The following TTLL5 variants were observed in gnomAD, a reference collection of about 807,000 sequenced individuals.
TTLL5 encodes the protein tubulin polyglutamylase TTLL5.
A neutral mutation model predicts 168.4 loss-of-function variants in TTLL5; 132 were observed. The observed-to-expected ratio is 0.78, with a 90% CI of 0.68 to 0.91. The LOEUF (loss-of-function observed/expected upper bound fraction) is 0.91. TTLL5 is among the 40% of genes least tolerant of loss of function. The pLI, the probability that TTLL5 is intolerant of heterozygous loss-of-function variation, is 0.00. For missense variants in TTLL5, 1,545 were observed against 1,581.5 expected (o/e 0.98, Z 0.39); for synonymous variants, 546 against 558.6 (o/e 0.98, Z 0.32).
chr14:75,805,472 C>G (rs1464850858), intron 27 of TTLL5, among the ~76,000 whole-genome samples: 1 of 152,160 alleles, frequency 6.6e-6, no homozygotes, highest in Non-Finnish European at 1.5e-5. Context: ...AGGCTGTAAT[C>G]CTCAGAACTT....
At chr14:75,845,118 A>G (rs563728649) in intron 28 of TTLL5, among the ~76,000 whole-genome samples, 2 of 152,306 alleles carry the variant, frequency 1.3e-5, no homozygotes, top group South Asian at 2.1e-4. Context: ...ATTTTTCTCC[A>G]TAGCCAGTTG....
intron 21 of TTLL5, among the ~76,000 whole-genome samples, chr14:75,773,943 G>T (rs1459371720): frequency 2.5e-5 from 1 of 39,718 alleles, no homozygotes; most frequent in Non-Finnish European, 5.8e-5. Context: ...GAGAGAGAGA[G>T]AGAGAGAGAG....
chr14:75,783,748 G>A (rs1892199227), intron 26 of TTLL5, among the ~76,000 whole-genome samples: 4 of 152,182 alleles, frequency 2.6e-5, no homozygotes. Flanking sequence ...AGGTACTGGA[G>A]ATAAAGAGAT....
chr14:75,795,513 G>T (rs1188012896), intron 27 of TTLL5, among the ~76,000 whole-genome samples: 1 of 152,126 alleles, frequency 6.6e-6, no homozygotes, highest in East Asian at 1.9e-4. Flanking sequence ...CAAGATTTTG[G>T]TGCACCTATC....
intron 15 of TTLL5, among the ~76,000 whole-genome samples, chr14:75,743,541 G>T (rs1200827462): frequency 2.0e-5 from 3 of 150,120 alleles, no homozygotes; most frequent in African/African-American, 7.3e-5. Context: ...GGGTCTGGGG[G>T]AGAGAGAGTG....
chr14:75,811,367 G>A (rs149559095), intron 27 of TTLL5, among the ~76,000 whole-genome samples: 4 of 151,706 alleles, frequency 2.6e-5, no homozygotes, highest in East Asian at 1.9e-4. Context: ...CTTCTATGAC[G>A]CGAAGCTTTT....
intron 27 of TTLL5, among the ~76,000 whole-genome samples, chr14:75,808,846 G>T (rs1021759363): frequency 5.9e-5 from 9 of 151,596 alleles, no homozygotes; most frequent in Admixed American, 2.0e-4. Context: ...GACTGATCTC[G>T]AACTCCTGGG....
chr14:75,941,167 G>T (rs1161218368), intron 31 of TTLL5, among the ~76,000 whole-genome samples: 1 of 152,234 alleles, frequency 6.6e-6, no homozygotes, highest in Non-Finnish European at 1.5e-5. Context: ...TGGCTGCATT[G>T]CAGAGTTCCT....
At chr14:75,801,381 A>G (rs1893314987) in intron 27 of TTLL5, among the ~76,000 whole-genome samples, 1 of 152,202 alleles carries the variant, frequency 6.6e-6, no homozygotes, top group Non-Finnish European at 1.5e-5. Context: ...TGCATAAGAT[A>G]TTTTGATACA....
At chr14:75,819,914 C>G in intron 27 of TTLL5, 93 bp from the exon 28 acceptor site, 1 of 1,387,874 alleles carries the variant, frequency 7.2e-7, no homozygotes, top group Non-Finnish European at 9.7e-7. Context: ...GGGTCAGCAT[C>G]TGTTGGCCTT....
Position 75,732,348 on chromosome 14 carries a change from C to T in TTLL5, c.1053C>T (p.Gly351=). The T allele has an allele frequency of 1.9e-6, 3 of 1,613,560 alleles. No homozygotes were observed. Among genetic ancestry groups the T allele is most frequent in the African/African-American group, 1.3e-5 (1 of 74,984 alleles). The change falls in exon 13 of 32, where the codon GGC becomes GGT. Residue 351 remains glycine, a synonymous_variant. Coordinates refer to ENST00000298832, the MANE Select transcript of TTLL5 (RefSeq NM_015072.5). The part of the protein sequence containing the change: ...PHRSSCFELY[G]FDVLIDSTLK... Reference sequence around the variant, plus strand: ...GTGTTGTATTTCTAGAACTCTATGGCTTTGACGTGCTCATAGATTCTACTC... The same window carrying T: ...GTGTTGTATTTCTAGAACTCTATGGTTTTGACGTGCTCATAGATTCTACTC...
At chr14:75,735,442 T>G (rs550241360) in intron 15 of TTLL5, among the ~76,000 whole-genome samples, 153 bp downstream of exon 15, 5 of 152,248 alleles carry the variant, frequency 3.3e-5, no homozygotes, top group Non-Finnish European at 7.3e-5. Flanking sequence ...TATTCAGCTG[T>G]GGCTAATAGC....
intron 11 of TTLL5, 58 bp from the exon 12 acceptor site, chr14:75,720,538 A>T (rs1452425596): frequency 8.1e-7 from 1 of 1,238,982 alleles, no homozygotes; most frequent in Non-Finnish European, 1.2e-6. Context: ...TCTGGAATCC[A>T]GTTCATAATC....
At chr14:75,769,910 G>T (rs1489793443) in intron 20 of TTLL5, among the ~76,000 whole-genome samples, 2 of 152,100 alleles carry the variant, frequency 1.3e-5, no homozygotes, top group Non-Finnish European at 2.9e-5. Context: ...CAGGCGTGCA[G>T]GCTCATGCCT....
At chr14:75,881,667 G>T (rs542303554) in intron 29 of TTLL5, among the ~76,000 whole-genome samples, 14 of 152,008 alleles carry the variant, frequency 9.2e-5, no homozygotes, top group Non-Finnish European at 2.1e-4. Flanking sequence ...CATGTTGTAG[G>T]TACAAATGGA....
rs977735904 is a variant in TTLL5, at chr14:75,902,540, G to A, written c.3823+316G>A. 13 of 518,350 alleles carry A rather than the reference G, an allele frequency of 2.5e-5. 1 individual carries two copies. In the Admixed American group the frequency reaches 2.9e-4, roughly 12 times the overall value. The allele number at this position is 518,350 out of a possible 1,614,324, so 32.1% of individuals were successfully genotyped here. The stretch of plus-strand genomic sequence containing the variant: ...CACTGTCTATGTTGTATTTCCGCAT[G>A]TTGTATCTCTCACTTAATTCTCACA... On this transcript the variant is annotated intron_variant, in intron 31 of 31. Transcript: ENST00000298832.
chr14:75,783,368 A>G lies in TTLL5; in HGVS notation c.2824A>G (p.Ser942Gly). 2 of 1,614,198 alleles carry G rather than the reference A, an allele frequency of 1.2e-6. No homozygotes were observed. Among genetic ancestry groups the G allele is most frequent in the Non-Finnish European group, 1.7e-6 (2 of 1,180,040 alleles). ...AATTTTACTGAACACAGTCTCTGCCAGTGCTTCTCCCTGCCTACATCCCGG... is the reference window on the plus strand; with the variant it reads ...AATTTTACTGAACACAGTCTCTGCCGGTGCTTCTCCCTGCCTACATCCCGG... ...PTILLNTVSA[S>G]ASPCLHPGAQ... Residue 942 changes from serine (S) to glycine (G), a missense_variant, in exon 26 of 32, where the codon AGT becomes GGT. By Grantham distance (56) the Ser-to-Gly change is moderately conservative. Coordinates refer to ENST00000298832, the MANE Select transcript of TTLL5 (RefSeq NM_015072.5).
In TTLL5 at chr14:75,764,597, A is replaced by T; in HGVS notation, c.1551-18A>T. ...GAACTTTCTGAAGGCCATAGCTACC[A>T]TGTTGCTTTTCCCCTAGAATGACTG... On this transcript the variant is annotated intron_variant, in intron 18 of 31. Transcript: ENST00000298832. 1.2e-6 allele frequency: 2 copies of T among 1,613,542 alleles called. No individual in the cohort carries two copies. Among genetic ancestry groups the T allele is most frequent in the Non-Finnish European group, 1.7e-6 (2 of 1,179,502 alleles).
chr14:75,699,503 G>A lies in TTLL5; in HGVS notation c.585+233G>A, dbSNP rs1333408426. On this transcript the variant is annotated intron_variant, in intron 7 of 31. Transcript: ENST00000298832. The stretch of plus-strand genomic sequence containing the variant: ...AAAAGACACTTGATCAGATTTTAGG[G>A]GAGGGCAACCTGTTGTGTCAGCAGA... Among the ~76,000 whole-genome samples, 4 of 152,186 alleles carry A rather than the reference G, an allele frequency of 2.6e-5. No homozygotes were observed. The East Asian group carries it at 5.8e-4, about 22-fold the overall frequency.
Sources: gnomAD v4.1 joint callset for allele counts (sites outside exome capture counted in the v4.1 genomes callset) on GRCh38, gnomAD v4.1.1 for gene constraint, MANE v1.5 for transcripts, NCBI Gene and HGNC (gene_info 2026-07-23, HGNC 2026-07-21) for gene names.